Variants in RCAN2 observed in about 807,000 individuals in gnomAD.
The protein encoded by RCAN2 is regulator of calcineurin 2.
RCAN2 carries 9 observed loss-of-function variants against 23.6 expected under a neutral mutation model. The ratio of observed to expected loss-of-function variants is 0.38; its 90% CI spans 0.23 to 0.67. The LOEUF (loss-of-function observed/expected upper bound fraction) is 0.67. Ranked by LOEUF, RCAN2 falls within the 30% of genes least tolerant of loss-of-function variation. The probability of loss-of-function intolerance (pLI) is 0.51; values close to 1 mark genes in which losing one functional copy is unlikely to be tolerated. For synonymous variants in RCAN2, 109 were observed against 115.7 expected (o/e 0.94, Z 0.37); for missense variants, 273 against 302.3 (o/e 0.90, Z 0.72).
intron 2 of RCAN2, among the ~76,000 whole-genome samples, chr6:46,295,187 A>G (rs1482096508): frequency 3.9e-5 from 6 of 152,266 alleles, no homozygotes; most frequent in South Asian, 4.1e-4. Flanking sequence ...CTCCCTCCGC[A>G]TGCTTTGTTG....
In RCAN2 at chr6:46,249,301, TTTTC is replaced by T. The variant is rs1261364103; in HGVS notation, c.226-409_226-406del. Among the ~76,000 whole-genome samples, 1,443 of 145,794 alleles carry T rather than the reference TTTTC, an allele frequency of 9.9e-3. 12 individuals carry two copies. Among genetic ancestry groups the T allele is most frequent in the South Asian group, 0.042 (190 of 4,546 alleles). On this transcript the variant is annotated intron_variant, in intron 2 of 4. Transcript: ENST00000371374. ...TTACCAATCTTGGGGGCACTTTTCT[TTTTC>T]TTTCTTTCTTTCTTTTTTTTTTTTT...
intron 2 of RCAN2, among the ~76,000 whole-genome samples, chr6:46,386,625 A>C (rs1765761683): frequency 6.6e-6 from 1 of 151,438 alleles, no homozygotes; most frequent in Admixed American, 6.6e-5. Context: ...AAAAAAAAAA[A>C]AAAAACTAAA....
At chr6:46,352,163 T>C (rs1764668466) in intron 2 of RCAN2, among the ~76,000 whole-genome samples, 1 of 152,136 alleles carries the variant, frequency 6.6e-6, no homozygotes, top group Admixed American at 6.5e-5. Context: ...ATCATGATAA[T>C]TAGTCAAGCA....
chr6:46,300,895 C>G (rs959667294), intron 2 of RCAN2, among the ~76,000 whole-genome samples: 1 of 151,642 alleles, frequency 6.6e-6, no homozygotes, highest in Admixed American at 6.6e-5. Context: ...AAAATGAAAA[C>G]CCAAAACAAA....
At chr6:46,444,652 C>A (rs1478195570) in intron 2 of RCAN2, among the ~76,000 whole-genome samples, 1 of 152,136 alleles carries the variant, frequency 6.6e-6, no homozygotes, top group African/African-American at 2.4e-5. Flanking sequence ...CTGCCCAGTG[C>A]CAAGCCAGTC....
chr6:46,451,666 A>G (rs1767888000), intron 2 of RCAN2, among the ~76,000 whole-genome samples: 1 of 152,220 alleles, frequency 6.6e-6, no homozygotes, highest in Non-Finnish European at 1.5e-5. Context: ...AGACTAGCTC[A>G]GCGTTTAGTC....
At chr6:46,356,476 C>T (rs953968275) in intron 2 of RCAN2, among the ~76,000 whole-genome samples, 1 of 152,116 alleles carries the variant, frequency 6.6e-6, no homozygotes, top group Non-Finnish European at 1.5e-5. Flanking sequence ...TACGTGTCCT[C>T]AAATGATTCT....
In RCAN2 at chr6:46,297,279, G is replaced by C. The variant is rs573455624; in HGVS notation, c.226-48383C>G. Reference sequence around the variant, plus strand: ...TCAGCATGGGCTCTGCCAGGCCAGCGAGATGAGAAGATACAGCCTCTTGTC... The same window carrying C: ...TCAGCATGGGCTCTGCCAGGCCAGCCAGATGAGAAGATACAGCCTCTTGTC... On this transcript the variant is annotated intron_variant, in intron 2 of 4. Coordinates refer to ENST00000371374, the MANE Select transcript of RCAN2 (RefSeq NM_001251974.2). Among the ~76,000 whole-genome samples, 4 of 152,242 alleles carry C rather than the reference G, an allele frequency of 2.6e-5. No homozygotes were observed. The South Asian group carries it at 8.3e-4, about 32-fold the overall frequency.
At chr6:46,303,606 T>G (rs1047592649) in intron 2 of RCAN2, among the ~76,000 whole-genome samples, 2 of 152,044 alleles carry the variant, frequency 1.3e-5, no homozygotes, top group African/African-American at 4.8e-5. Flanking sequence ...TTAAAACGGT[T>G]CCAGTACCTT....
At chr6:46,445,235 T>C (rs1767671663) in intron 2 of RCAN2, among the ~76,000 whole-genome samples, 1 of 152,084 alleles carries the variant, frequency 6.6e-6, no homozygotes, top group South Asian at 2.1e-4. Flanking sequence ...GGACATAGGC[T>C]CTAGGTCCAC....
intron 2 of RCAN2, among the ~76,000 whole-genome samples, chr6:46,355,349 T>C (rs1331119846): frequency 6.6e-6 from 1 of 152,126 alleles, no homozygotes; most frequent in Non-Finnish European, 1.5e-5. Flanking sequence ...AGCCCCTTAA[T>C]AGGGGCTCCA....
intron 2 of RCAN2, among the ~76,000 whole-genome samples, chr6:46,354,897 A>G (rs568291997): frequency 0.022 from 3,180 of 144,756 alleles, 151 homozygotes; most frequent in African/African-American, 0.068. Context: ...AAGATTATAT[A>G]TGTGTGTGTG....
chr6:46,227,730 A>C (rs1475020352), intron 4 of RCAN2, among the ~76,000 whole-genome samples: 1 of 152,152 alleles, frequency 6.6e-6, no homozygotes, highest in Non-Finnish European at 1.5e-5. Flanking sequence ...TTTTCAAAAA[A>C]CCAGATCCCG....
chr6:46,286,012 A>G (rs1762362491), intron 2 of RCAN2, among the ~76,000 whole-genome samples: 1 of 152,236 alleles, frequency 6.6e-6, no homozygotes. Context: ...GCTCCTGGCC[A>G]ATAGAATATT....
At chr6:46,435,030 T>A (rs1175038862) in intron 2 of RCAN2, among the ~76,000 whole-genome samples, 1 of 152,232 alleles carries the variant, frequency 6.6e-6, no homozygotes, top group Non-Finnish European at 1.5e-5. Context: ...ATTAAATATG[T>A]CGTTGCGATG....
intron 2 of RCAN2, among the ~76,000 whole-genome samples, chr6:46,369,214 A>T (rs1460848288): frequency 1.3e-5 from 2 of 152,126 alleles, no homozygotes; most frequent in African/African-American, 4.8e-5. Flanking sequence ...GGGCAGTAAG[A>T]GACATGGCAC....
chr6:46,452,401 A>C, intron 2 of RCAN2, among the ~76,000 whole-genome samples: 1 of 152,188 alleles, frequency 6.6e-6, no homozygotes, highest in Admixed American at 6.5e-5. Flanking sequence ...TTCTTGTTGC[A>C]TTACATGTTC....
rs371016117 is a variant in RCAN2 at position 46,326,100 on chromosome 6, C to A, written c.226-77204G>T. On this transcript the variant is annotated intron_variant, in intron 2 of 4. Coordinates refer to ENST00000371374, the MANE Select transcript of RCAN2 (RefSeq NM_001251974.2). ...ACATGTTCTGGGCATCCTAATGCAT[C>A]CCGGGCATGGGCTGAATAGAAATCC... Among the ~76,000 whole-genome samples the A allele has an allele frequency of 3.9e-5, 6 of 152,142 alleles. No homozygotes were observed. In the East Asian group the frequency reaches 5.8e-4, roughly 15 times the overall value.
At chr6:46,334,859 C>A (rs1453912307) in intron 2 of RCAN2, among the ~76,000 whole-genome samples, 1 of 152,162 alleles carries the variant, frequency 6.6e-6, no homozygotes, top group Non-Finnish European at 1.5e-5. Context: ...TTTATCCCTG[C>A]CTTAATTCGT....
Sources: allele counts gnomAD v4.1 joint callset (sites outside exome capture counted in the v4.1 genomes callset), GRCh38; gene constraint gnomAD v4.1.1; transcripts MANE v1.5; gene names NCBI Gene and HGNC (gene_info 2026-07-23, HGNC 2026-07-21).